The following CEP85 variants were observed in gnomAD, a reference collection of about 807,000 sequenced individuals.
The protein encoded by CEP85 is centrosomal protein 85.
In CEP85, 58 loss-of-function variants were observed where a neutral mutation model predicts 93.7. That is an observed-to-expected ratio of 0.62 (90% CI 0.50 to 0.77). CEP85 has a LOEUF of 0.77. CEP85 is among the 30% of genes least tolerant of loss of function. CEP85 has a pLI of 0.00. For missense variants in CEP85, 868 were observed against 922.0 expected (o/e 0.94, Z 0.76); for synonymous variants, 314 against 338.6 (o/e 0.93, Z 0.80).
chr1:26,255,062 G>A (rs1022017592), intron 3 of CEP85, 109 bp from the exon 4 acceptor site: 2 of 829,000 alleles, frequency 2.4e-6, no homozygotes, highest in East Asian at 2.4e-5. Flanking sequence ...TGATGATGGT[G>A]CTCTCTCTGC....
At chr1:26,258,067 G>A in intron 5 of CEP85, 76 bp from the exon 6 acceptor site, 2 of 952,614 alleles carry the variant, frequency 2.1e-6, no homozygotes, top group Middle Eastern at 2.1e-4. Flanking sequence ...TACGTAATAG[G>A]GATTGTACTT....
chr1:26,266,903 A>G (rs1043656206), intron 7 of CEP85, among the ~76,000 whole-genome samples: 4 of 152,248 alleles, frequency 2.6e-5, no homozygotes, highest in African/African-American at 9.6e-5. Context: ...CTCAAGTCTC[A>G]TTAGCCTTTC....
chr1:26,244,048 A>G (rs2089470809), intron 2 of CEP85, 118 bp from the exon 3 acceptor site: 5 of 735,690 alleles, frequency 6.8e-6, no homozygotes, highest in Non-Finnish European at 1.0e-5. Context: ...TAGGCACAGG[A>G]GAGAGAAAGG....
rs781141861 is a variant in CEP85 at position 26,255,157 on chromosome 1, T to C, written c.209-14T>C. On this transcript the variant is annotated splice_polypyrimidine_tract_variant and intron_variant, in intron 3 of 13. Transcript: ENST00000451429. ...ACTTCAATTTTTACTTATGGAAGAC[T>C]ATTCTCTCCCCAGATTTTTGCAGCT... The C allele has an allele frequency of 6.2e-7, 1 of 1,606,824 alleles. No individual in the cohort carries two copies. Among genetic ancestry groups the C allele is most frequent in the African/African-American group, 1.3e-5 (1 of 74,732 alleles).
chr1:26,266,034 A>G (rs1310635302), intron 7 of CEP85, among the ~76,000 whole-genome samples: 1 of 151,986 alleles, frequency 6.6e-6, no homozygotes, highest in Non-Finnish European at 1.5e-5. Flanking sequence ...ATGGTGAAAC[A>G]CTGTCTCTAC....
chr1:26,252,660 T>C (rs1171295152), intron 3 of CEP85, among the ~76,000 whole-genome samples: 1 of 152,244 alleles, frequency 6.6e-6, no homozygotes, highest in African/African-American at 2.4e-5. Flanking sequence ...GTCCTTTAAC[T>C]GAGAAATTTC....
At chr1:26,239,468 C>T (rs894450468) in intron 1 of CEP85, among the ~76,000 whole-genome samples, 17 of 152,102 alleles carry the variant, frequency 1.1e-4, no homozygotes, top group Non-Finnish European at 1.5e-5. Flanking sequence ...CCTTGTGCCT[C>T]AGCCTCCCAA....
At chr1:26,256,985 C>T in intron 4 of CEP85, among the ~76,000 whole-genome samples, 1 of 140,636 alleles carries the variant, frequency 7.1e-6, no homozygotes, top group Non-Finnish European at 1.6e-5. Context: ...CTCTGTCGCC[C>T]AGTGGCATGA....
chr1:26,261,744 T>A (rs1469713197), intron 7 of CEP85, among the ~76,000 whole-genome samples: 1 of 118,618 alleles, frequency 8.4e-6, no homozygotes, highest in African/African-American at 3.9e-5. Flanking sequence ...AAAAAAAATT[T>A]TTTTTTTCCC....
At chr1:26,244,469 G>A in intron 3 of CEP85, 151 bp downstream of exon 3, 1 of 709,112 alleles carries the variant, frequency 1.4e-6, no homozygotes, top group East Asian at 2.8e-5. Flanking sequence ...TTCTTACCCT[G>A]TGCTTCTCAC....
intron 3 of CEP85, among the ~76,000 whole-genome samples, chr1:26,248,722 C>CTTTT (rs573449499): frequency 0.023 from 1,278 of 56,160 alleles, 235 homozygotes; most frequent in African/African-American, 0.031. Context: ...GTCTTGAACT[C>CTTTT]TTTTTTTTTT....
chr1:26,272,252 A>C, intron 11 of CEP85, 181 bp downstream of exon 11: 2 of 635,304 alleles, frequency 3.1e-6, no homozygotes, highest in Non-Finnish European at 2.8e-6. Flanking sequence ...AGGGAGTTTC[A>C]GCACAGTACT....
intron 13 of CEP85, 45 bp downstream of exon 13, chr1:26,276,805 TTTCTC>T (rs763094838): frequency 6.4e-6 from 9 of 1,413,866 alleles, no homozygotes; most frequent in Non-Finnish European, 7.9e-6. Flanking sequence ...AGGGTCCTTC[TTTCTC>T]TTCTCTCCCC....
chr1:26,254,876 TA>T (rs1416802063), intron 3 of CEP85: 22 of 365,016 alleles, frequency 6.0e-5, no homozygotes, highest in African/African-American at 3.3e-4. Flanking sequence ...AAAAACTTTT[TA>T]AAAGTTTTTC....
chr1:26,239,793 C>G lies in CEP85; in HGVS notation c.10C>G (p.Gln4Glu). 1 of 1,613,094 alleles carries G rather than the reference C, an allele frequency of 6.2e-7. No homozygotes were observed. The highest frequency in any genetic ancestry group is 2.2e-5 in the East Asian group (1 of 44,870). ...TAAATAACTGTGATTGATGGCCATGCAGGAGAAATATCCAACTGAGGGGAT... is the reference window on the plus strand; with the variant it reads ...TAAATAACTGTGATTGATGGCCATGGAGGAGAAATATCCAACTGAGGGGAT... Reference protein sequence around the residue: MAMQEKYPTEGISH... With the variant: MAMEEKYPTEGISH... Residue 4 changes from glutamine (Q) to glutamate (E), a missense_variant, in exon 2 of 14, where the codon CAG (glutamine) becomes GAG (glutamate). Physicochemically the swap from Gln to Glu is conservative, Grantham distance 29. Transcript: ENST00000451429.
At position 26,277,202 on chromosome 1, in the gene CEP85, TTC is replaced by T; in HGVS notation, c.2196_2197del (p.Gln733ThrfsTer5). ...GTGATCAAGAGGAAACTAGAAGAGG[TTC>T]AACAGCTGCGTCGTGACATTGAGGA... On this transcript the variant is annotated frameshift_variant, in exon 14 of 14. Coordinates refer to ENST00000451429, the MANE Select transcript of CEP85 (RefSeq NM_001319944.2). LOFTEE classifies it high-confidence loss of function. 6.2e-7 allele frequency: 1 copy of T among 1,613,838 alleles called. No homozygotes were observed. Among genetic ancestry groups the T allele is most frequent in the Non-Finnish European group, 8.5e-7 (1 of 1,179,896 alleles).
In CEP85 at chr1:26,257,831, T is replaced by G. The variant is rs1297468897; in HGVS notation, c.1037+101T>G. The G allele has an allele frequency of 2.2e-6, 3 of 1,334,696 alleles. No homozygotes were observed. The African/African-American group carries it at 4.4e-5, about 19-fold the overall frequency. The allele number at this position is 1,334,696 out of a possible 1,614,324, so 82.7% of individuals were successfully genotyped here. On this transcript the variant is annotated intron_variant, in intron 5 of 13. Transcript: ENST00000451429. ...AAGGGCAAAGCATTCCTCCTCTGTT[T>G]AGGTCCATGTCTTGCCTCATGGTGG... is the stretch of plus-strand genomic sequence containing the variant.
Position 26,276,675 on chromosome 1 carries a change from T to C in CEP85, c.2043T>C (p.Leu681=). The C allele has an allele frequency of 1.2e-6, 2 of 1,614,202 alleles. No homozygotes were observed. Among genetic ancestry groups the C allele is most frequent in the Non-Finnish European group, 1.7e-6 (2 of 1,180,040 alleles). ...LELHQELASC[L]QDLQAVCSIV... Reference sequence around the variant, plus strand: ...TGCACCAGGAGTTGGCCAGTTGCCTTCAAGATCTGCAGGCTGTCTGTAGCA... The same window carrying C: ...TGCACCAGGAGTTGGCCAGTTGCCTCCAAGATCTGCAGGCTGTCTGTAGCA... Residue 681 remains leucine (L), a synonymous_variant, in exon 13 of 14, where the codon CTT becomes CTC. Transcript: ENST00000451429.
intron 7 of CEP85, among the ~76,000 whole-genome samples, chr1:26,263,777 T>C (rs776893941): frequency 7.2e-5 from 11 of 152,274 alleles, no homozygotes; most frequent in Admixed American, 6.5e-4. Context: ...GATATATATA[T>C]ATAGTTGACC....
Sources: allele counts gnomAD v4.1 joint callset (sites outside exome capture counted in the v4.1 genomes callset), GRCh38; gene constraint gnomAD v4.1.1; transcripts MANE v1.5; gene names NCBI Gene and HGNC (gene_info 2026-07-23, HGNC 2026-07-21).